Variants in PCDHGA5 observed in about 807,000 individuals in gnomAD.
PCDHGA5 encodes the protein protocadherin gamma subfamily A, 5.
PCDHGA5 carries 36 observed loss-of-function variants against 56.7 expected under a neutral mutation model. The observed-to-expected ratio is 0.64, with a 90% CI of 0.49 to 0.84. The LOEUF is 0.84. PCDHGA5 is among the 40% of genes least tolerant of loss of function. The probability of loss-of-function intolerance (pLI) is 0.00; values close to 1 mark genes in which losing one functional copy is unlikely to be tolerated. For missense variants in PCDHGA5, 1,305 were observed against 1,201.5 expected, an observed-to-expected ratio of 1.09 and a Z score of -1.27; for synonymous variants, 563 against 520.2, an observed-to-expected ratio of 1.08 and a Z score of -1.12.
chr5:141,489,363 G>T lies in PCDHGA5; in HGVS notation c.2422-5444G>T, dbSNP rs767837736. 20 of 1,613,114 alleles carry T rather than the reference G, an allele frequency of 1.2e-5. No homozygotes were observed. Among genetic ancestry groups the T allele is most frequent in the Non-Finnish European group, 1.7e-5 (20 of 1,179,354 alleles). ...ACTCAGTGGTGGAGGAGTCTGAGCCGGGGACGCTGGTGGGGAATGTTGCTC... is the reference window on the plus strand; with the variant it reads ...ACTCAGTGGTGGAGGAGTCTGAGCCTGGGACGCTGGTGGGGAATGTTGCTC... On this transcript the variant is annotated intron_variant, in intron 1 of 3. Transcript: ENST00000518069. The surrounding 1 kb of genome is among the most constrained non-coding windows in gnomAD (Gnocchi z 4.5).
intron 1 of PCDHGA5, chr5:141,373,807 T>C (rs760297070): frequency 1.2e-5 from 4 of 341,172 alleles, no homozygotes; most frequent in Non-Finnish European, 1.1e-5. Flanking sequence ...CTCTGTGTGA[T>C]AGTTTCACAA....
In PCDHGA5 at chr5:141,489,645, C is replaced by T; in HGVS notation, c.2422-5162C>T. 1.2e-6 allele frequency: 2 copies of T among 1,614,156 alleles called. No homozygotes were observed. The highest frequency in any genetic ancestry group is 2.7e-5 in the African/African-American group (2 of 75,022). On this transcript the variant is annotated intron_variant, in intron 1 of 3. Transcript: ENST00000518069. This position sits in a 1 kb window ranked among gnomAD's most constrained non-coding sequence, Gnocchi z 4.5. ...ATGACAACTCTCCTAGCTTTGCCAC[C>T]CCTGAGCGAGAGATGCGCATCTCAG...
chr5:141,390,275 C>G, intron 1 of PCDHGA5: 1 of 1,613,976 alleles, frequency 6.2e-7, no homozygotes, highest in Non-Finnish European at 8.5e-7. Context: ...AATTGACTTC[C>G]CATCAGGTGA....
intron 1 of PCDHGA5, among the ~76,000 whole-genome samples, chr5:141,426,065 G>C (rs1214623774): frequency 1.3e-5 from 2 of 152,184 alleles, no homozygotes; most frequent in East Asian, 3.8e-4. Flanking sequence ...GCAAGAACTG[G>C]AGCCTGGGAT....
intron 1 of PCDHGA5, chr5:141,394,129 C>T: frequency 3.7e-6 from 6 of 1,613,968 alleles, no homozygotes; most frequent in Non-Finnish European, 5.1e-6. Context: ...ACTCAAATCG[C>T]TCTGCACGTG....
At chr5:141,375,059 G>T in intron 1 of PCDHGA5, 3 of 1,614,038 alleles carry the variant, frequency 1.9e-6, no homozygotes, top group Non-Finnish European at 1.7e-6. Flanking sequence ...GGATGGGCCA[G>T]GTCTTCGAGA....
chr5:141,413,747 A>C, intron 1 of PCDHGA5: 1 of 1,613,348 alleles, frequency 6.2e-7, no homozygotes. Flanking sequence ...AGCCGTGCCA[A>C]TGGCGTCAAG....
intron 1 of PCDHGA5, chr5:141,379,423 A>G (rs1261037274): frequency 3.3e-5 from 5 of 152,260 alleles, no homozygotes. Context: ...CTCATGAGTT[A>G]GATGGGCTGT....
chr5:141,428,349 G>A (rs555622676), intron 1 of PCDHGA5: 93 of 583,074 alleles, frequency 1.6e-4, no homozygotes, highest in African/African-American at 1.5e-3. Flanking sequence ...TCCTCGCAGT[G>A]ATTTTGGCGG....
intron 1 of PCDHGA5, among the ~76,000 whole-genome samples, chr5:141,402,022 T>A (rs1170426258): frequency 6.6e-6 from 1 of 152,210 alleles, no homozygotes; most frequent in East Asian, 1.9e-4. Context: ...TTTGAATCAT[T>A]GAAACACAGT....
chr5:141,379,104 A>C (rs955091727), intron 1 of PCDHGA5: 1 of 152,246 alleles, frequency 6.6e-6, no homozygotes, highest in Admixed American at 6.5e-5. Flanking sequence ...AGAAAAAAGC[A>C]ATTGAGAAGA....
intron 1 of PCDHGA5, chr5:141,441,621 G>T: frequency 4.5e-6 from 1 of 223,408 alleles, no homozygotes; most frequent in South Asian, 5.2e-5. Context: ...CGTGGCCAGT[G>T]ACCTGGAGCC....
At chr5:141,509,322 C>G (rs563556144) in intron 3 of PCDHGA5, among the ~76,000 whole-genome samples, 1 of 152,318 alleles carries the variant, frequency 6.6e-6, no homozygotes, top group East Asian at 1.9e-4. Flanking sequence ...GAGAGAAGCT[C>G]TACTGCCAGC....
At chr5:141,449,273 C>T (rs1168190907) in intron 1 of PCDHGA5, among the ~76,000 whole-genome samples, 1 of 151,982 alleles carries the variant, frequency 6.6e-6, no homozygotes, top group Non-Finnish European at 1.5e-5. Flanking sequence ...ACTGTATCTC[C>T]TTCACCCGGA....
At chr5:141,385,328 G>A (rs767891948) in intron 1 of PCDHGA5, 13 of 1,588,314 alleles carry the variant, frequency 8.2e-6, no homozygotes, top group Middle Eastern at 1.7e-4. Flanking sequence ...ATTCAGGTGA[G>A]CCCAGCCCTT....
intron 1 of PCDHGA5, among the ~76,000 whole-genome samples, chr5:141,382,210 G>T (rs61675507): frequency 0.17 from 26,250 of 151,970 alleles, 2,491 homozygotes; most frequent in Admixed American, 0.27. Context: ...TATTAAAATA[G>T]GTCTATATAT....
intron 1 of PCDHGA5, chr5:141,383,693 A>C (rs771447649): frequency 3.7e-6 from 6 of 1,613,930 alleles, no homozygotes; most frequent in Non-Finnish European, 5.1e-6. Context: ...CTCACGGTAC[A>C]TGCTATCGAC....
intron 1 of PCDHGA5, among the ~76,000 whole-genome samples, chr5:141,458,380 G>T (rs1592559992): frequency 6.6e-6 from 1 of 152,136 alleles, no homozygotes; most frequent in African/African-American, 2.4e-5. Flanking sequence ...AAGAGAGAAG[G>T]AAGACGCTCC....
Position 141,487,665 on chromosome 5 carries a change from G to T in PCDHGA5, c.2422-7142G>T, listed in dbSNP as rs373971935. 8.7e-5 allele frequency: 141 copies of T among 1,612,724 alleles called. No individual in the cohort carries two copies. The highest frequency in any genetic ancestry group is 1.1e-4 in the Non-Finnish European group (135 of 1,179,392). On this transcript the variant is annotated intron_variant, in intron 1 of 3. Coordinates refer to ENST00000518069, the MANE Select transcript of PCDHGA5 (RefSeq NM_018918.3). The surrounding 1 kb of genome is among the most constrained non-coding windows in gnomAD (Gnocchi z 5.0). ...ATGCTTGAGGGTTATTCTGATCCAG[G>T]CATATGGCTAGGCCATGTCCTAGAG...
Sources: allele counts gnomAD v4.1 joint callset (sites outside exome capture counted in the v4.1 genomes callset), GRCh38; gene constraint gnomAD v4.1.1; non-coding constraint Gnocchi (gnomAD v3.1); transcripts MANE v1.5; gene names NCBI Gene and HGNC (gene_info 2026-07-23, HGNC 2026-07-21).